The following MAP2 variants were observed in gnomAD, a reference collection of about 807,000 sequenced individuals.
MAP2 encodes microtubule-associated protein 2.
Under a neutral mutation model 137.6 loss-of-function variants are expected in MAP2, and 14 were observed. The ratio of observed to expected loss-of-function variants is 0.10; its 90% CI spans 0.07 to 0.16. MAP2 has a LOEUF of 0.16. MAP2 is among the 10% of genes least tolerant of loss of function. The pLI is 1.00. For synonymous variants in MAP2, 786 were observed against 782.3 expected (o/e 1.00, Z -0.08); for missense variants, 2,088 against 2,191.5 (o/e 0.95, Z 0.94).
chr2:209,721,831 T>C (rs2071146487), intron 13 of MAP2: 1 of 152,176 alleles, frequency 6.6e-6, no homozygotes, highest in South Asian at 2.1e-4. Flanking sequence ...ATTAGTAAAA[T>C]AGCTCACATC....
intron 2 of MAP2, among the ~76,000 whole-genome samples, chr2:209,559,885 G>A (rs1187328022): frequency 2.0e-5 from 3 of 152,122 alleles, no homozygotes; most frequent in African/African-American, 7.2e-5. Context: ...AACCAAGACT[G>A]GGGTGTCATT....
rs1257274029 is a variant in MAP2 at position 209,693,093 on chromosome 2, A to G, written c.923A>G (p.Gln308Arg). 1 of 1,613,396 alleles carries G rather than the reference A, an allele frequency of 6.2e-7. No individual in the cohort carries two copies. Residue 308 changes from glutamine (Q) to arginine (R), a missense_variant, in exon 8 of 16, where the codon CAG becomes CGG. Gln to Arg is a conservative substitution (Grantham distance 43). Transcript: ENST00000682079. ...FDDIPKWEGKQFDSPMPSPFQ... is the reference protein window; with the variant it reads ...FDDIPKWEGKRFDSPMPSPFQ... Reference sequence around the variant, plus strand: ...GATATCCCAAAATGGGAAGGGAAACAGTTTGATTCTCCCATGCCAAGTCCC... The same window carrying G: ...GATATCCCAAAATGGGAAGGGAAACGGTTTGATTCTCCCATGCCAAGTCCC...
At chr2:209,497,070 C>G (rs771472202) in intron 1 of MAP2, among the ~76,000 whole-genome samples, 11 of 152,154 alleles carry the variant, frequency 7.2e-5, no homozygotes, top group Admixed American at 1.3e-4. Context: ...GTGTGAGCCA[C>G]CATGACTGGC....
chr2:209,665,692 T>C (rs2045998204), intron 5 of MAP2, among the ~76,000 whole-genome samples: 1 of 152,212 alleles, frequency 6.6e-6, no homozygotes, highest in African/African-American at 2.4e-5. Flanking sequence ...TGCATAAAAT[T>C]ATTTGCAAAT....
chr2:209,576,840 T>C (rs2075439173), intron 2 of MAP2, among the ~76,000 whole-genome samples: 1 of 152,186 alleles, frequency 6.6e-6, no homozygotes, highest in African/African-American at 2.4e-5. Context: ...CTAAGGGCAG[T>C]AATTATGTTT....
At chr2:209,625,784 G>A (rs1390406407) in intron 4 of MAP2, among the ~76,000 whole-genome samples, 6 of 152,108 alleles carry the variant, frequency 3.9e-5, no homozygotes, top group African/African-American at 1.4e-4. Flanking sequence ...TAAATGCATA[G>A]CAGATAAACT....
chr2:209,586,793 T>A (rs1008075073), intron 3 of MAP2, among the ~76,000 whole-genome samples: 1 of 152,158 alleles, frequency 6.6e-6, no homozygotes, highest in Non-Finnish European at 1.5e-5. Flanking sequence ...GAGACCATGC[T>A]TTGATTAGTA....
At chr2:209,597,450 G>T (rs543525743) in intron 3 of MAP2, among the ~76,000 whole-genome samples, 2 of 152,122 alleles carry the variant, frequency 1.3e-5, no homozygotes, top group Admixed American at 6.5e-5. Flanking sequence ...TTATGCTCAC[G>T]TGAACTATGT....
chr2:209,573,583 T>A (rs914452485), intron 2 of MAP2, among the ~76,000 whole-genome samples: 8 of 152,182 alleles, frequency 5.3e-5, no homozygotes, highest in African/African-American at 1.9e-4. Flanking sequence ...CATGAGCCGC[T>A]GTGCCCAGCC....
Position 209,547,318 on chromosome 2 carries a change from T to G in MAP2, c.-171-32718T>G, listed in dbSNP as rs141670018. Among the ~76,000 whole-genome samples, 1,098 of 133,472 alleles carry G rather than the reference T, an allele frequency of 8.2e-3. 5 individuals are homozygous for G. Among genetic ancestry groups the G allele is most frequent in the Non-Finnish European group, 0.011 (764 of 67,126 alleles). 87.6% of individuals were successfully genotyped at this position (133,472 alleles called of 152,430 possible). The stretch of plus-strand genomic sequence containing the variant: ...AAAGAAGACCTACAAAACATTCACC[T>G]GAATTCTTTTTTTTTTAAATATGTT... On this transcript the variant is annotated intron_variant, in intron 2 of 15. Transcript: ENST00000682079.
chr2:209,665,659 A>T (rs1433364491), intron 5 of MAP2, among the ~76,000 whole-genome samples: 4 of 152,136 alleles, frequency 2.6e-5, no homozygotes, highest in Non-Finnish European at 5.9e-5. Flanking sequence ...AATGCCCTTT[A>T]TTTTCTCTAT....
rs191423914 is a variant in MAP2 at position 209,712,707 on chromosome 2, C to G, written c.5073+2453C>G. Among the ~76,000 whole-genome samples, 47 of 152,252 alleles carry G rather than the reference C, an allele frequency of 3.1e-4. 1 individual carries two copies. Among genetic ancestry groups the G allele is most frequent in the African/African-American group, 1.1e-3 (46 of 41,554 alleles). The stretch of plus-strand genomic sequence containing the variant: ...CACTCTCCCCTTAAAAGCCTCCTTA[C>G]AGTGTGTGATCTCAGATATAGGGAG... On this transcript the variant is annotated intron_variant, in intron 13 of 15. Transcript: ENST00000682079.
chr2:209,530,275 C>T (rs1417090828), intron 2 of MAP2, among the ~76,000 whole-genome samples: 2 of 152,100 alleles, frequency 1.3e-5, no homozygotes, highest in African/African-American at 2.4e-5. Context: ...TTCTCACATC[C>T]CACCAGACCT....
intron 3 of MAP2, among the ~76,000 whole-genome samples, chr2:209,612,577 T>A (rs2087345212): frequency 6.6e-6 from 1 of 152,218 alleles, no homozygotes; most frequent in African/African-American, 2.4e-5. Context: ...AGCTGCCATA[T>A]AACAGCAGAA....
chr2:209,636,680 T>A lies in MAP2; in HGVS notation c.-30+11551T>A, dbSNP rs1050350337. The stretch of plus-strand genomic sequence containing the variant: ...ATATCCATATACATACATCTATGGA[T>A]TATTTAAATATACACTGTAAGATTT... On this transcript the variant is annotated intron_variant, in intron 4 of 15. Coordinates refer to ENST00000682079, the MANE Select transcript of MAP2 (RefSeq NM_001375505.1). 3.9e-5 allele frequency among the ~76,000 whole-genome samples: 6 copies of A among 152,118 alleles called. No homozygotes were observed. The South Asian group carries it at 1.2e-3, about 32-fold the overall frequency.
chr2:209,519,945 C>G (rs781092313), intron 2 of MAP2, among the ~76,000 whole-genome samples: 24 of 151,976 alleles, frequency 1.6e-4, no homozygotes, highest in Non-Finnish European at 2.4e-4. Flanking sequence ...GAAGGCAGAC[C>G]TTGTGGAGAG....
chr2:209,679,863 A>G (rs2053781936), intron 6 of MAP2, among the ~76,000 whole-genome samples: 1 of 152,132 alleles, frequency 6.6e-6, no homozygotes, highest in Non-Finnish European at 1.5e-5. Context: ...AGAAGCCCAT[A>G]GGGTAAGGAA....
chr2:209,536,302 G>A (rs367570754), intron 2 of MAP2, among the ~76,000 whole-genome samples: 1 of 152,134 alleles, frequency 6.6e-6, no homozygotes, highest in African/African-American at 2.4e-5. Flanking sequence ...CCAGCTATCA[G>A]TATAGTGCCT....
chr2:209,471,753 T>A (rs1705788096), intron 1 of MAP2, among the ~76,000 whole-genome samples: 1 of 152,018 alleles, frequency 6.6e-6, no homozygotes, highest in South Asian at 2.1e-4. Flanking sequence ...AAAATATAGT[T>A]CCTTGAGAAT....
Sources: allele counts gnomAD v4.1 joint callset (sites outside exome capture counted in the v4.1 genomes callset), GRCh38; gene constraint gnomAD v4.1.1; transcripts MANE v1.5; gene names NCBI Gene and HGNC (gene_info 2026-07-23, HGNC 2026-07-21).